PDE6C: variants seen among roughly 807,000 people sequenced by gnomAD.
PDE6C encodes the protein cone cGMP-specific 3',5'-cyclic phosphodiesterase subunit alpha'.
In PDE6C, 75 loss-of-function variants were observed where a neutral mutation model predicts 113.1. The ratio of observed to expected loss-of-function variants is 0.66; its 90% CI spans 0.55 to 0.80. The LOEUF is 0.80. Ranked by LOEUF, PDE6C falls within the 30% of genes least tolerant of loss-of-function variation. PDE6C has a pLI of 0.00. For synonymous variants in PDE6C, 375 were observed against 363.7 expected, an observed-to-expected ratio of 1.03 and a Z score of -0.35; for missense variants, 912 against 1,038.6, an observed-to-expected ratio of 0.88 and a Z score of 1.67.
chr10:93,665,278 C>A, intron 21 of PDE6C, 82 bp from the exon 22 acceptor site: 1 of 1,024,802 alleles, frequency 9.8e-7, no homozygotes, highest in Non-Finnish European at 1.6e-6. Flanking sequence ...ACAAAGTTGA[C>A]ACTACTATCA....
At chr10:93,659,294 A>G (rs1208808907) in intron 18 of PDE6C, 127 bp downstream of exon 18, 16 of 697,132 alleles carry the variant, frequency 2.3e-5, no homozygotes, top group Non-Finnish European at 4.1e-5. Context: ...GTGAGACAGT[A>G]GGCAATTTGA....
chr10:93,646,011 C>T lies in PDE6C; in HGVS notation c.1899C>T (p.His633=), dbSNP rs773868783. The change falls in exon 15 of 22, where the codon CAC becomes CAT. Residue 633 remains histidine (H), a synonymous_variant. Transcript: ENST00000371447. ...RLHGSSILER[H]HLEYSKTLLQ... is the part of the protein sequence containing the mutation. The stretch of plus-strand genomic sequence containing the variant: ...ATGGTTCTTCTATTTTGGAGAGGCA[C>T]CACCTGGAGTACAGTAAGACTCTGT... 18 of 1,607,230 alleles carry T rather than the reference C, an allele frequency of 1.1e-5. 1 individual carries two copies. The South Asian group carries it at 1.6e-4, about 15-fold the overall frequency.
At chr10:93,649,952 A>G (rs2058602117) in intron 15 of PDE6C, among the ~76,000 whole-genome samples, 1 of 152,066 alleles carries the variant, frequency 6.6e-6, no homozygotes, top group African/African-American at 2.4e-5. Context: ...TGACTATTTT[A>G]TATACCTGGG....
intron 14 of PDE6C, among the ~76,000 whole-genome samples, chr10:93,644,939 G>A (rs545403854): frequency 3.4e-5 from 4 of 115,960 alleles, no homozygotes; most frequent in East Asian, 4.3e-4. Context: ...ATATATAATG[G>A]AATATTATTC....
chr10:93,621,882 T>A, intron 3 of PDE6C, 50 bp from the exon 4 acceptor site: 1 of 1,541,676 alleles, frequency 6.5e-7, no homozygotes, highest in Middle Eastern at 1.7e-4. Context: ...GCTCTATCTC[T>A]CCATAGCATA....
In PDE6C at chr10:93,655,814, T is replaced by C. The variant is rs1165575586; in HGVS notation, c.1990T>C (p.Leu664=). 2 of 1,610,256 alleles carry C rather than the reference T, an allele frequency of 1.2e-6. No individual in the cohort carries two copies. The highest frequency in any genetic ancestry group is 3.3e-5 in the Admixed American group (2 of 60,012). ...GCGGCAGTTTGAAACAGTTATTCAT[T>C]TGTTCGAGGTCGCAATAATAGCAAC... ...NKRQFETVIH[L]FEVAIIATDL... is the part of the protein sequence containing the mutation. The change falls in exon 16 of 22, where the codon TTG becomes CTG. Residue 664 remains leucine, a synonymous_variant. Coordinates refer to ENST00000371447, the MANE Select transcript of PDE6C (RefSeq NM_006204.4).
At chr10:93,656,635 C>A (rs1165781771) in intron 16 of PDE6C, among the ~76,000 whole-genome samples, 1 of 151,708 alleles carries the variant, frequency 6.6e-6, no homozygotes, top group Non-Finnish European at 1.5e-5. Flanking sequence ...AGTGGCACAA[C>A]CTCGGGTCAC....
intron 11 of PDE6C, among the ~76,000 whole-genome samples, chr10:93,638,347 C>T (rs1382915648): frequency 6.6e-6 from 1 of 152,024 alleles, no homozygotes; most frequent in African/African-American, 2.4e-5. Flanking sequence ...TACTTCCCAC[C>T]CCCGTGTTTT....
At chr10:93,622,099 T>A in intron 4 of PDE6C, 27 bp downstream of exon 4, 1 of 1,608,526 alleles carries the variant, frequency 6.2e-7, no homozygotes, top group Non-Finnish European at 8.5e-7. Context: ...ACATTTTGTC[T>A]CATCTCACAT....
intron 7 of PDE6C, 53 bp downstream of exon 7, chr10:93,626,924 T>C (rs2058475881): frequency 1.4e-6 from 2 of 1,426,818 alleles, no homozygotes; most frequent in Non-Finnish European, 2.0e-6. Context: ...AAACTCTTAT[T>C]AGCTAAGAGA....
At chr10:93,643,640 C>T (rs2058569819) in intron 14 of PDE6C, among the ~76,000 whole-genome samples, 2 of 151,924 alleles carry the variant, frequency 1.3e-5, no homozygotes, top group African/African-American at 4.8e-5. Context: ...ATCCTCCTGC[C>T]TCAGCCTCCC....
intron 4 of PDE6C, among the ~76,000 whole-genome samples, chr10:93,622,989 G>A (rs938686173): frequency 1.3e-5 from 2 of 152,102 alleles, no homozygotes; most frequent in Non-Finnish European, 2.9e-5. Flanking sequence ...GGTAAATACC[G>A]AATAGGGCAA....
At chr10:93,655,726 T>C (rs1387780465) in intron 15 of PDE6C, 34 bp from the exon 16 acceptor site, 1 of 1,058,712 alleles carries the variant, frequency 9.4e-7, no homozygotes, top group Non-Finnish European at 1.5e-6. Flanking sequence ...GGCAAATTAT[T>C]GATAGCATTT....
Position 93,663,094 on chromosome 10 carries a change from T to C in PDE6C, c.2434T>C (p.Trp812Arg). Residue 812 changes from tryptophan to arginine, a missense_variant, in exon 21 of 22, where the codon TGG becomes CGG. Physicochemically the swap from Trp to Arg is moderately radical, Grantham distance 101 (BLOSUM62 -3). Coordinates refer to ENST00000371447, the MANE Select transcript of PDE6C (RefSeq NM_006204.4). Reference sequence around the variant, plus strand: ...TGGTCTTCAGAATAACAGAGTAGAATGGAAATCACTAGCTGATGAGTATGA... The same window carrying C: ...TGGTCTTCAGAATAACAGAGTAGAACGGAAATCACTAGCTGATGAGTATGA... ...LSGLQNNRVE[W>R]KSLADEYDAK... is the part of the protein sequence containing the mutation. 6.2e-7 allele frequency: 1 copy of C among 1,613,448 alleles called. No individual in the cohort carries two copies.
At chr10:93,649,140 T>G (rs1366933372) in intron 15 of PDE6C, among the ~76,000 whole-genome samples, 1 of 152,134 alleles carries the variant, frequency 6.6e-6, no homozygotes, top group African/African-American at 2.4e-5. Context: ...GCCATTTTAA[T>G]AGTCAGGGAA....
intron 18 of PDE6C, among the ~76,000 whole-genome samples, 159 bp from the exon 19 acceptor site, chr10:93,661,900 A>G (rs1193888633): frequency 1.3e-5 from 2 of 152,210 alleles, no homozygotes; most frequent in African/African-American, 4.8e-5. Context: ...ATTTCAATAT[A>G]ATCTGTAAAT....
chr10:93,613,074 GT>G lies in PDE6C; in HGVS notation c.350del (p.Val117AlafsTer26). On this transcript the variant is annotated frameshift_variant, in exon 1 of 22. Transcript: ENST00000371447. LOFTEE classifies it high-confidence loss of function. ...TGAGGTGGCCTCTAGGTTGCTGGAT[GT>G]CACCCCCACCTCCAAGTTTGAGGAC... ...IPEVASRLLD[V>X]TPTSKFEDNL... The G allele has an allele frequency of 6.2e-7, 1 of 1,614,212 alleles. No homozygotes were observed.
At position 93,640,593 on chromosome 10, in the gene PDE6C, C is replaced by T. The variant is rs767964412; in HGVS notation, c.1737+36C>T. Reference sequence around the variant, plus strand: ...AGGGCTGTAAATCCTTGTAAACCTGCAGATTTCCCATTTGAGCATGATGAG... The same window carrying T: ...AGGGCTGTAAATCCTTGTAAACCTGTAGATTTCCCATTTGAGCATGATGAG... On this transcript the variant is annotated intron_variant, in intron 13 of 21. Transcript: ENST00000371447. The T allele has an allele frequency of 4.5e-6, 6 of 1,327,254 alleles. No individual in the cohort carries two copies. In the Admixed American group the frequency reaches 5.0e-5, roughly 11 times the overall value. The allele number at this position is 1,327,254 out of a possible 1,614,324, so 82.2% of individuals were successfully genotyped here.
At chr10:93,637,762 T>C (rs1176124554) in intron 11 of PDE6C, among the ~76,000 whole-genome samples, 1 of 152,218 alleles carries the variant, frequency 6.6e-6, no homozygotes, top group Non-Finnish European at 1.5e-5. Flanking sequence ...AAGGTACCCA[T>C]CTTAATACCA....
Sources: gnomAD v4.1 joint callset for allele counts (sites outside exome capture counted in the v4.1 genomes callset) on GRCh38, gnomAD v4.1.1 for gene constraint, MANE v1.5 for transcripts, NCBI Gene and HGNC (gene_info 2026-07-23, HGNC 2026-07-21) for gene names.